The following MAGEA11 variants were observed in gnomAD, a reference collection of about 807,000 sequenced individuals.
The protein encoded by MAGEA11 is melanoma-associated antigen 11.
A neutral mutation model predicts 8.4 loss-of-function variants in MAGEA11; 1 was observed. The observed-to-expected ratio is 0.12, with a 90% CI of 0.04 to 0.57. The LOEUF is 0.57. Among genes scored for constraint, MAGEA11 ranks in the 20% least tolerant of loss-of-function variants. The pLI, the probability that MAGEA11 is intolerant of heterozygous loss-of-function variation, is 0.91. For missense variants in MAGEA11, 209 were observed against 317.3 expected (o/e 0.66, Z 2.59); for synonymous variants, 127 against 119.3 (o/e 1.06, Z -0.42).
intron 1 of MAGEA11, among the ~76,000 whole-genome samples, chrX:149,702,582 C>G (rs2090359167): frequency 1.8e-5 from 2 of 110,954 alleles, no homozygotes; most frequent in Non-Finnish European, 3.8e-5. Context: ...ATATAAATCT[C>G]TTATAAATAA....
At chrX:149,702,866 A>C (rs5983893) in intron 1 of MAGEA11, among the ~76,000 whole-genome samples, 41,811 of 111,009 alleles carry the variant, frequency 0.38, 6,259 homozygotes, top group Non-Finnish European at 0.46. Context: ...GGGGACTACA[A>C]TTGATAGTTT....
chrX:149,716,917 T>C lies in MAGEA11; in HGVS notation c.*141T>C, dbSNP rs1388919878. The C allele has an allele frequency of 7.4e-6, 4 of 537,116 alleles. No homozygotes were observed. The African/African-American group carries it at 9.4e-5, about 13-fold the overall frequency. 44.3% of individuals were successfully genotyped at this position (537,116 alleles called of 1,213,427 possible). On this transcript the variant is annotated 3_prime_UTR_variant, in exon 5 of 5. Transcript: ENST00000355220. ...TGATGAGAGAAGTCAGTGTTCTCAGTAGTAGAAGGCACAGTGAATGGAAGG... is the reference window on the plus strand; with the variant it reads ...TGATGAGAGAAGTCAGTGTTCTCAGCAGTAGAAGGCACAGTGAATGGAAGG...
chrX:149,700,081 C>G (rs1194889405), intron 1 of MAGEA11, among the ~76,000 whole-genome samples: 1 of 112,547 alleles, frequency 8.9e-6, no homozygotes, highest in African/African-American at 3.2e-5. Context: ...CCCACATGGT[C>G]CTTCCCCTGA....
chrX:149,690,608 C>G (rs782489140), intron 1 of MAGEA11, among the ~76,000 whole-genome samples: 36 of 112,751 alleles, frequency 3.2e-4, no homozygotes, highest in African/African-American at 1.1e-3. Flanking sequence ...TTGTAAGCCA[C>G]ATCATACATT....
At chrX:149,704,301 C>T (rs58800054) in intron 1 of MAGEA11, among the ~76,000 whole-genome samples, 2,494 of 112,105 alleles carry the variant, frequency 0.022, 70 homozygotes, top group African/African-American at 0.078. Flanking sequence ...TTCAGAACCG[C>T]GACCCCTGCA....
chrX:149,688,781 G>A (rs2090298609), upstream of MAGEA11: 2 of 286,403 alleles, frequency 7.0e-6, no homozygotes, highest in South Asian at 3.5e-5. Context: ...GAAGGGTATA[G>A]CTGGCTGCCT....
chrX:149,695,088 G>A (rs1416730527), intron 1 of MAGEA11, among the ~76,000 whole-genome samples: 1 of 111,845 alleles, frequency 8.9e-6, no homozygotes. Flanking sequence ...TCTCGCCTCT[G>A]ATGCCACCAA....
In MAGEA11 at chrX:149,716,197, T is replaced by C. The variant is rs781931658; in HGVS notation, c.711T>C (p.Tyr237=). The C allele has an allele frequency of 2.5e-6, 3 of 1,211,845 alleles. No homozygotes were observed. In the South Asian group the frequency reaches 5.3e-5, roughly 21 times the overall value. ...IDLVHLLLRK[Y]RVKGLITKAE... The stretch of plus-strand genomic sequence containing the variant: ...TGGTTCATTTATTGCTCCGCAAGTA[T>C]CGAGTCAAGGGGCTGATCACAAAGG... Residue 237 remains tyrosine, a synonymous_variant, in exon 5 of 5, where the codon TAT becomes TAC. Coordinates refer to ENST00000355220, the MANE Select transcript of MAGEA11 (RefSeq NM_005366.5).
chrX:149,704,428 C>T (rs990328217), intron 1 of MAGEA11, among the ~76,000 whole-genome samples: 2 of 112,341 alleles, frequency 1.8e-5, no homozygotes, highest in Admixed American at 9.4e-5. Flanking sequence ...TTTTCCTCCC[C>T]CTTTTTTTCA....
chrX:149,693,595 T>A (rs1169940545), intron 1 of MAGEA11, among the ~76,000 whole-genome samples: 2 of 112,085 alleles, frequency 1.8e-5, no homozygotes, highest in African/African-American at 6.5e-5. Context: ...TACCATAAAT[T>A]TACCACTTCA....
At chrX:149,706,959 C>T (rs1041194436) in intron 1 of MAGEA11, among the ~76,000 whole-genome samples, 4 of 112,749 alleles carry the variant, frequency 3.5e-5, no homozygotes. Flanking sequence ...AGAGAGTGTT[C>T]AGATAGCCCT....
intron 2 of MAGEA11, 134 bp downstream of exon 2, chrX:149,713,389 G>T: frequency 2.4e-6 from 1 of 422,535 alleles, no homozygotes; most frequent in Non-Finnish European, 4.0e-6. Context: ...ACCCAGGGAG[G>T]AGTCCCAGAG....
chrX:149,713,450 A>G, intron 2 of MAGEA11, 195 bp downstream of exon 2: 3 of 369,072 alleles, frequency 8.1e-6, no homozygotes, highest in Non-Finnish European at 1.4e-5. Flanking sequence ...TGCCCCTGCC[A>G]TCGGTCCTTG....
chrX:149,712,441 A>G (rs2090406124), intron 1 of MAGEA11, among the ~76,000 whole-genome samples: 1 of 112,221 alleles, frequency 8.9e-6, no homozygotes, highest in South Asian at 3.7e-4. Context: ...AGGGGCCACA[A>G]AGTCCATCCT....
chrX:149,710,311 G>T (rs1569561393), upstream of MAGEA11, among the ~76,000 whole-genome samples: 1 of 112,277 alleles, frequency 8.9e-6, no homozygotes, highest in Non-Finnish European at 1.9e-5. Context: ...AATAAACAAG[G>T]CAGTATATGA....
At chrX:149,702,583 T>A (rs2090359188) in intron 1 of MAGEA11, among the ~76,000 whole-genome samples, 1 of 111,311 alleles carries the variant, frequency 9.0e-6, no homozygotes, top group South Asian at 3.8e-4. Context: ...TATAAATCTC[T>A]TATAAATAAT....
Position 149,717,066 on chromosome X carries a change from C to G in MAGEA11, c.*290C>G. On this transcript the variant is annotated 3_prime_UTR_variant, in exon 5 of 5. Transcript: ENST00000355220. ...TAAAAGTTTTAGTTAGCTTCAACATCTAAGTGTATGGATGATACTGACCAC... is the reference window on the plus strand; with the variant it reads ...TAAAAGTTTTAGTTAGCTTCAACATGTAAGTGTATGGATGATACTGACCAC... 3.9e-6 allele frequency: 1 copy of G among 257,812 alleles called. No individual in the cohort carries two copies. Among genetic ancestry groups the G allele is most frequent in the Non-Finnish European group, 6.9e-6 (1 of 145,913 alleles). The allele number at this position is 257,812 out of a possible 1,213,427, so 21.2% of individuals were successfully genotyped here.
chrX:149,693,651 G>C (rs2090319138), intron 1 of MAGEA11, among the ~76,000 whole-genome samples: 1 of 111,925 alleles, frequency 8.9e-6, no homozygotes, highest in South Asian at 3.8e-4. Context: ...TTAATAAGTT[G>C]TGCCATATCA....
intron 1 of MAGEA11, among the ~76,000 whole-genome samples, chrX:149,712,556 C>T (rs1345108346): frequency 9.1e-6 from 1 of 109,296 alleles, no homozygotes; most frequent in Non-Finnish European, 1.9e-5. Flanking sequence ...CGGCTTGTGA[C>T]CTGCTGAGGG....
Sources: gnomAD v4.1 joint callset for allele counts (sites outside exome capture counted in the v4.1 genomes callset) on GRCh38, gnomAD v4.1.1 for gene constraint, MANE v1.5 for transcripts, NCBI Gene and HGNC (gene_info 2026-07-23, HGNC 2026-07-21) for gene names.